MYO16: variants seen among roughly 807,000 people sequenced by gnomAD.
The protein encoded by MYO16 is myosin XVI, also known as unconventional myosin-XVI.
A neutral mutation model predicts 205.3 loss-of-function variants in MYO16; 94 were observed. The ratio of observed to expected loss-of-function variants is 0.46; its 90% confidence interval spans 0.39 to 0.54. MYO16 has a LOEUF of 0.54. Among genes scored for constraint, MYO16 ranks in the 20% least tolerant of loss-of-function variants. The pLI is 0.00. For synonymous variants in MYO16, 988 were observed against 954.0 expected (o/e 1.04, Z -0.66); for missense variants, 2,315 against 2,387.5 (o/e 0.97, Z 0.63).
At chr13:108,842,234 G>C (rs7999076) in intron 9 of MYO16, among the ~76,000 whole-genome samples, 2 of 151,998 alleles carry the variant, frequency 1.3e-5, no homozygotes, top group Admixed American at 6.6e-5. Context: ...AGACTATAAG[G>C]CTTCTGCACA....
intron 6 of MYO16, among the ~76,000 whole-genome samples, 166 bp from the exon 7 acceptor site, chr13:108,806,513 C>A (rs1261487280): frequency 6.6e-6 from 1 of 152,094 alleles, no homozygotes; most frequent in Non-Finnish European, 1.5e-5. Flanking sequence ...GATAATTACA[C>A]CCATTTATAC....
chr13:109,189,341 A>G (rs999540538), intron 34 of MYO16, among the ~76,000 whole-genome samples: 7 of 152,200 alleles, frequency 4.6e-5, no homozygotes, highest in African/African-American at 1.7e-4. Flanking sequence ...GCATCCTTCA[A>G]TCCAACCAAG....
chr13:108,504,413 C>T, the MYO16 span, among the ~76,000 whole-genome samples: 3 of 152,088 alleles, frequency 2.0e-5, no homozygotes, highest in African/African-American at 7.2e-5. Context: ...AGGCGTGAGC[C>T]ACCACGCCCA....
At chr13:108,922,918 A>C (rs1881812643) in intron 16 of MYO16, among the ~76,000 whole-genome samples, 1 of 152,214 alleles carries the variant, frequency 6.6e-6, no homozygotes, top group Admixed American at 6.5e-5. Context: ...ATCTCCCCCT[A>C]TCCACAGCCC....
At chr13:109,169,855 C>T (rs1878855640) in intron 33 of MYO16, among the ~76,000 whole-genome samples, 1 of 152,280 alleles carries the variant, frequency 6.6e-6, no homozygotes, top group Non-Finnish European at 1.5e-5. Context: ...TAATATTACT[C>T]CAGCTTGCAT....
chr13:108,731,605 A>G (rs1391577621), intron 4 of MYO16, among the ~76,000 whole-genome samples: 1 of 152,166 alleles, frequency 6.6e-6, no homozygotes, highest in Non-Finnish European at 1.5e-5. Context: ...TATTAGCAAT[A>G]TTTTCATGGC....
At chr13:108,505,459 C>T in the MYO16 span, among the ~76,000 whole-genome samples, 4 of 151,996 alleles carry the variant, frequency 2.6e-5, no homozygotes, top group Non-Finnish European at 4.4e-5. Context: ...ACTTTTTGTT[C>T]GTTTGTATAT....
chr13:109,157,090 A>G (rs185059611), intron 32 of MYO16, among the ~76,000 whole-genome samples: 14 of 152,002 alleles, frequency 9.2e-5, no homozygotes, highest in African/African-American at 3.4e-4. Context: ...ATCAGGTCCC[A>G]GTTCTCCCGC....
At chr13:109,197,912 G>A (rs925572596) in intron 34 of MYO16, among the ~76,000 whole-genome samples, 7 of 152,150 alleles carry the variant, frequency 4.6e-5, no homozygotes, top group African/African-American at 1.7e-4. Flanking sequence ...TGTTGGAAAC[G>A]TGCGCTGACT....
chr13:108,582,070 A>C, the MYO16 span, among the ~76,000 whole-genome samples: 1 of 152,102 alleles, frequency 6.6e-6, no homozygotes, highest in Admixed American at 6.5e-5. Context: ...TTTTCTATGT[A>C]TCATGAAAGC....
At chr13:108,986,569 C>T (rs1213092694) in intron 20 of MYO16, among the ~76,000 whole-genome samples, 1 of 143,528 alleles carries the variant, frequency 7.0e-6, no homozygotes, top group Non-Finnish European at 1.5e-5. Context: ...TTGTGGTGAG[C>T]CGAGATGGTG....
At chr13:108,565,988 CT>C in the MYO16 span, among the ~76,000 whole-genome samples, 4,567 of 143,424 alleles carry the variant, frequency 0.032, 160 homozygotes, top group African/African-American at 0.095. Flanking sequence ...TGGCCTGTAG[CT>C]TTTTTTTTTT....
At chr13:109,123,824 C>T (rs1876112285) in intron 29 of MYO16, among the ~76,000 whole-genome samples, 3 of 152,152 alleles carry the variant, frequency 2.0e-5, no homozygotes, top group Non-Finnish European at 4.4e-5. Context: ...ATAGGTACCC[C>T]TCATATTTAT....
chr13:108,593,070 T>C (rs1266265000), upstream of MYO16, among the ~76,000 whole-genome samples: 1 of 152,012 alleles, frequency 6.6e-6, no homozygotes, highest in Non-Finnish European at 1.5e-5. Context: ...CACCAGGAAA[T>C]GAACGCTTGC....
At chr13:108,509,570 C>G in the MYO16 span, among the ~76,000 whole-genome samples, 1 of 152,152 alleles carries the variant, frequency 6.6e-6, no homozygotes, top group Non-Finnish European at 1.5e-5. Context: ...TGGTCCAACT[C>G]AAGCTCTAAA....
Position 109,141,304 on chromosome 13 carries a change from G to T in MYO16, c.5092G>T (p.Ala1698Ser), listed in dbSNP as rs974844819. The T allele has an allele frequency of 1.1e-5, 18 of 1,589,340 alleles. No individual in the cohort carries two copies. The highest frequency in any genetic ancestry group is 1.8e-5 in the Admixed American group (1 of 57,074). ...RPLSSPLDEL[A>S]SLFNSGRSVL... ...TCTCAGCAGCCCCCTGGACGAGCTC[G>T]CCAGCCTCTTCAACTCGGGGAGGAG... The change falls in exon 32 of 35, where the codon GCC becomes TCC. Residue 1698 changes from alanine to serine, a missense_variant. By Grantham distance (99) the Ala-to-Ser change is moderately conservative. Transcript: ENST00000457511. The surrounding 1 kb of genome is among the most constrained non-coding windows in gnomAD (Gnocchi z 4.1).
chr13:109,179,925 G>T (rs1352137917), intron 34 of MYO16, among the ~76,000 whole-genome samples: 1 of 152,072 alleles, frequency 6.6e-6, no homozygotes, highest in Non-Finnish European at 1.5e-5. Flanking sequence ...TTATTCTCGG[G>T]TGAAGATGAT....
intron 31 of MYO16, among the ~76,000 whole-genome samples, chr13:109,139,373 A>G (rs78138960): frequency 0.016 from 2,502 of 152,342 alleles, 73 homozygotes; most frequent in African/African-American, 0.055. Flanking sequence ...GGACCAGTTC[A>G]ACCCATACCT....
chr13:109,073,848 C>T (rs147038044), intron 27 of MYO16, among the ~76,000 whole-genome samples: 1 of 152,256 alleles, frequency 6.6e-6, no homozygotes, highest in Non-Finnish European at 1.5e-5. Context: ...ACTGTGAAAG[C>T]GTGCATTATG....
Sources: gnomAD v4.1 joint callset for allele counts (sites outside exome capture counted in the v4.1 genomes callset) on GRCh38, gnomAD v4.1.1 for gene constraint, Gnocchi (gnomAD v3.1) non-coding constraint, MANE v1.5 for transcripts, NCBI Gene and HGNC (gene_info 2026-07-23, HGNC 2026-07-21) for gene names.